STK3: variants seen among roughly 807,000 people sequenced by gnomAD.
STK3 encodes the protein serine/threonine kinase 3, also known as serine/threonine-protein kinase 3.
In STK3, 41 loss-of-function variants were observed where a neutral mutation model predicts 58.0. That is an observed-to-expected ratio of 0.71 (90% CI 0.55 to 0.92). The LOEUF (loss-of-function observed/expected upper bound fraction) is 0.92, where lower values mean the gene tolerates loss of function less well. Ranked by LOEUF, STK3 falls within the 40% of genes least tolerant of loss-of-function variation. STK3 has a pLI of 0.00. For missense variants in STK3, 479 were observed against 602.7 expected (o/e 0.79, Z 2.15); for synonymous variants, 170 against 191.0 (o/e 0.89, Z 0.91).
intron 6 of STK3, among the ~76,000 whole-genome samples, chr8:98,612,119 T>A (rs1817245743): frequency 6.7e-6 from 1 of 150,128 alleles, no homozygotes; most frequent in East Asian, 1.9e-4. Flanking sequence ...TTATATTTCA[T>A]CTAAAATTCC....
chr8:98,529,626 T>C (rs1826011053), intron 9 of STK3, among the ~76,000 whole-genome samples: 1 of 152,210 alleles, frequency 6.6e-6, no homozygotes, highest in East Asian at 1.9e-4. Flanking sequence ...TGTAACCCCA[T>C]GTCTATTGCA....
chr8:98,853,463 C>T (rs1357492572), intron 3 of STK3, among the ~76,000 whole-genome samples: 2 of 152,174 alleles, frequency 1.3e-5, no homozygotes, highest in Admixed American at 6.6e-5. Context: ...TTGCTGTTTT[C>T]CTTCCCCTGC....
At position 98,745,210 on chromosome 8, in the gene STK3, G is replaced by A. The variant is rs752139660; in HGVS notation, c.351+4066C>T. ...AGCTTGCTATATAAAGGATATTTTC[G>A]GGAGGGTGGATGTGGGAATACACCA... On this transcript the variant is annotated intron_variant, in intron 4 of 10. Transcript: ENST00000419617. 2.3e-4 allele frequency among the ~76,000 whole-genome samples: 35 copies of A among 152,118 alleles called. 1 individual carries two copies. The highest frequency in any genetic ancestry group is 6.5e-4 in the African/African-American group (27 of 41,420).
intron 2 of STK3, among the ~76,000 whole-genome samples, chr8:98,769,806 T>C (rs1431615361): frequency 6.6e-6 from 1 of 152,236 alleles, no homozygotes; most frequent in Non-Finnish European, 1.5e-5. Flanking sequence ...CTGCCTGCAC[T>C]GGAAAAGTTA....
intron 10 of STK3, among the ~76,000 whole-genome samples, chr8:98,477,065 C>T (rs566940456): frequency 6.6e-6 from 1 of 152,190 alleles, no homozygotes; most frequent in Non-Finnish European, 1.5e-5. Flanking sequence ...GGACGGGAAG[C>T]TGAGACCGAG....
intron 3 of STK3, among the ~76,000 whole-genome samples, chr8:98,417,959 G>C (rs929247064): frequency 6.6e-6 from 1 of 152,106 alleles, no homozygotes. Flanking sequence ...GCCCAGGCTG[G>C]AGTGCAGTGG....
intron 6 of STK3, among the ~76,000 whole-genome samples, chr8:98,639,932 G>A (rs1249918266): frequency 1.3e-5 from 2 of 152,148 alleles, no homozygotes; most frequent in African/African-American, 4.8e-5. Context: ...CCAACATGGT[G>A]AAACCCCATC....
intron 3 of STK3, among the ~76,000 whole-genome samples, chr8:98,848,993 G>A (rs1328500334): frequency 1.3e-5 from 2 of 152,082 alleles, no homozygotes; most frequent in East Asian, 1.9e-4. Context: ...TTGGGAGGCC[G>A]AGACAGGCAG....
intron 2 of STK3, among the ~76,000 whole-genome samples, chr8:98,771,338 G>C (rs756323047): frequency 6.6e-6 from 1 of 152,066 alleles, no homozygotes; most frequent in Non-Finnish European, 1.5e-5. Flanking sequence ...TATTCACCTG[G>C]GATAGCAGAT....
intron 6 of STK3, among the ~76,000 whole-genome samples, chr8:98,662,158 G>C: frequency 6.6e-6 from 1 of 152,120 alleles, no homozygotes; most frequent in East Asian, 1.9e-4. Flanking sequence ...CCATGGAGAA[G>C]CTGTTCAATT....
intron 6 of STK3, among the ~76,000 whole-genome samples, chr8:98,691,176 G>A (rs1467256446): frequency 6.6e-6 from 1 of 152,020 alleles, no homozygotes; most frequent in Non-Finnish European, 1.5e-5. Context: ...ATATACCCTT[G>A]TAACAAACCT....
chr8:98,677,108 T>C (rs1419463510), intron 6 of STK3, among the ~76,000 whole-genome samples: 2 of 152,332 alleles, frequency 1.3e-5, no homozygotes, highest in African/African-American at 4.8e-5. Context: ...AGACATAGTA[T>C]GCTTAAATCT....
chr8:98,842,878 G>C (rs1477259992), intron 3 of STK3, among the ~76,000 whole-genome samples: 1 of 151,988 alleles, frequency 6.6e-6, no homozygotes, highest in Non-Finnish European at 1.5e-5. Flanking sequence ...ATGGTCCTTA[G>C]CTAATTAGCA....
chr8:98,751,877 T>A (rs552036002), intron 3 of STK3, among the ~76,000 whole-genome samples: 6 of 151,918 alleles, frequency 3.9e-5, no homozygotes, highest in African/African-American at 1.4e-4. Flanking sequence ...GAGGCGGAGG[T>A]TGCAGTGAGC....
chr8:98,625,031 A>C (rs1818611386), intron 6 of STK3, among the ~76,000 whole-genome samples: 1 of 152,186 alleles, frequency 6.6e-6, no homozygotes, highest in Admixed American at 6.5e-5. Flanking sequence ...AGAAAGATCG[A>C]AAGATTGGTA....
rs137885346 is a variant in STK3 at position 98,418,819 on chromosome 8, C to T, written n.483+15308G>A. The stretch of plus-strand genomic sequence containing the variant: ...ATCTAGACTCTTACATGTTATAGCT[C>T]CCCCTGCCCTCTCCCTCCCATCTAT... On this transcript the variant is annotated intron_variant and non_coding_transcript_variant, in intron 3 of 3. Transcript: ENST00000517832. Among the ~76,000 whole-genome samples the T allele has an allele frequency of 1.8e-3, 281 of 152,270 alleles. 1 individual carries two copies. The highest frequency in any genetic ancestry group is 6.4e-3 in the African/African-American group (266 of 41,540).
At chr8:98,362,275 G>A in the STK3 span, among the ~76,000 whole-genome samples, 1 of 152,144 alleles carries the variant, frequency 6.6e-6, no homozygotes, top group Non-Finnish European at 1.5e-5. Context: ...ATCTTTACTG[G>A]AGCAAGCACT....
intron 7 of STK3, among the ~76,000 whole-genome samples, chr8:98,586,135 TGAATA>T (rs993503156): frequency 1.4e-4 from 22 of 151,994 alleles, no homozygotes; most frequent in Non-Finnish European, 3.2e-4. Flanking sequence ...AACACTATGT[TGAATA>T]GGAGTGGTGA....
At chr8:98,450,732 C>A (rs1563613868), downstream of STK3, among the ~76,000 whole-genome samples, 1 of 152,186 alleles carries the variant, frequency 6.6e-6, no homozygotes, top group Non-Finnish European at 1.5e-5. Flanking sequence ...TGAATGCATG[C>A]ACCCTGCATC....
Sources: allele counts gnomAD v4.1 joint callset (sites outside exome capture counted in the v4.1 genomes callset), GRCh38; gene constraint gnomAD v4.1.1; transcripts MANE v1.5; gene names NCBI Gene and HGNC (gene_info 2026-07-23, HGNC 2026-07-21).